Variants in SCAPER observed in about 807,000 individuals in gnomAD.
SCAPER encodes the protein S phase cyclin A-associated protein in the endoplasmic reticulum.
A neutral mutation model predicts 182.2 loss-of-function variants in SCAPER; 98 were observed. The ratio of observed to expected loss-of-function variants is 0.54; its 90% CI spans 0.46 to 0.64. SCAPER has a LOEUF of 0.64. Ranked by LOEUF, SCAPER falls within the 30% of genes least tolerant of loss-of-function variation. The pLI is 0.00. For synonymous variants in SCAPER, 605 were observed against 564.6 expected (o/e 1.07, Z -1.01); for missense variants, 1,432 against 1,690.0 (o/e 0.85, Z 2.68).
chr15:76,487,635 C>G (rs566519914), intron 24 of SCAPER, among the ~76,000 whole-genome samples: 3 of 152,134 alleles, frequency 2.0e-5, no homozygotes, highest in East Asian at 1.9e-4. Context: ...GAGGAAATAC[C>G]TGGGAACTCA....
intron 9 of SCAPER, chr15:76,774,499 A>G (rs892026915): frequency 6.4e-6 from 2 of 312,588 alleles, no homozygotes; most frequent in Non-Finnish European, 6.0e-6. Context: ...TCCAAATTTT[A>G]TAATTGTAAT....
chr15:76,516,813 T>C (rs1011703507), intron 23 of SCAPER, among the ~76,000 whole-genome samples: 8 of 152,126 alleles, frequency 5.3e-5, no homozygotes, highest in South Asian at 2.1e-4. Flanking sequence ...CAAAACAAAC[T>C]TAAGGAGGAA....
At chr15:76,705,801 A>T in intron 18 of SCAPER, 102 bp downstream of exon 18, 1 of 755,776 alleles carries the variant, frequency 1.3e-6, no homozygotes, top group Non-Finnish European at 2.1e-6. Flanking sequence ...TTGTGCAAAG[A>T]TTAAGAATAC....
chr15:76,356,008 A>C (rs1720359648), intron 29 of SCAPER, among the ~76,000 whole-genome samples: 1 of 152,264 alleles, frequency 6.6e-6, no homozygotes, highest in Non-Finnish European at 1.5e-5. Context: ...GACAGGACTT[A>C]ACCAGGCTAC....
chr15:76,849,350 C>T (rs772184551), intron 4 of SCAPER, among the ~76,000 whole-genome samples: 11 of 152,224 alleles, frequency 7.2e-5, no homozygotes, highest in East Asian at 5.8e-4. Context: ...GCCTTATCCA[C>T]GCCTTCGACA....
chr15:76,404,824 A>T, intron 26 of SCAPER, 145 bp from the exon 27 acceptor site: 1 of 628,222 alleles, frequency 1.6e-6, no homozygotes, highest in Non-Finnish European at 2.4e-6. Context: ...CTCAAGTAAC[A>T]ATTTCCTTAG....
At chr15:76,777,845 G>A (rs952584952) in intron 8 of SCAPER, among the ~76,000 whole-genome samples, 5 of 152,094 alleles carry the variant, frequency 3.3e-5, no homozygotes, top group African/African-American at 1.2e-4. Context: ...CAGTAAGTTT[G>A]AAATATCAAA....
At chr15:76,850,468 C>T (rs912867742) in intron 4 of SCAPER, among the ~76,000 whole-genome samples, 20 of 152,166 alleles carry the variant, frequency 1.3e-4, no homozygotes, top group Admixed American at 1.0e-3. Context: ...AGAACCAATG[C>T]AAGAACTCCA....
At chr15:76,679,603 A>G (rs1022722739) in intron 20 of SCAPER, among the ~76,000 whole-genome samples, 9 of 152,216 alleles carry the variant, frequency 5.9e-5, no homozygotes, top group East Asian at 1.9e-4. Flanking sequence ...TTTATTTATT[A>G]TATTGTTTAA....
At chr15:76,641,669 T>C (rs2054115407) in intron 21 of SCAPER, among the ~76,000 whole-genome samples, 1 of 152,154 alleles carries the variant, frequency 6.6e-6, no homozygotes, top group African/African-American at 2.4e-5. Context: ...ACTTGGCTAA[T>C]TGCTCACCCA....
At chr15:76,497,726 C>G (rs1237484276) in intron 24 of SCAPER, among the ~76,000 whole-genome samples, 1 of 151,912 alleles carries the variant, frequency 6.6e-6, no homozygotes, top group Non-Finnish European at 1.5e-5. Context: ...GGCACGGTGG[C>G]TCATGCCTGT....
chr15:76,544,426 A>G (rs920459880), intron 23 of SCAPER, among the ~76,000 whole-genome samples: 1 of 152,222 alleles, frequency 6.6e-6, no homozygotes, highest in Admixed American at 6.5e-5. Flanking sequence ...CAACAAAATG[A>G]AATGTCCTAT....
chr15:76,828,886 C>A (rs147051342), intron 5 of SCAPER, among the ~76,000 whole-genome samples: 1 of 152,112 alleles, frequency 6.6e-6, no homozygotes, highest in Non-Finnish European at 1.5e-5. Context: ...TCAGACAAAA[C>A]AGAATTCACA....
chr15:76,371,610 G>A (rs2042183333), intron 29 of SCAPER, among the ~76,000 whole-genome samples: 2 of 151,302 alleles, frequency 1.3e-5, no homozygotes, highest in Non-Finnish European at 2.9e-5. Context: ...GAGCCACCAT[G>A]CCTGGCTTAT....
At chr15:76,385,908 T>G (rs55944723) in intron 27 of SCAPER, among the ~76,000 whole-genome samples, 12,249 of 152,250 alleles carry the variant, frequency 0.08, 711 homozygotes, top group Non-Finnish European at 0.12. Flanking sequence ...GCTCAAACAA[T>G]AAAACATTTA....
chr15:76,699,693 C>T (rs540919782), intron 20 of SCAPER, among the ~76,000 whole-genome samples: 28 of 152,302 alleles, frequency 1.8e-4, no homozygotes, highest in Admixed American at 1.6e-3. Context: ...GCACTTGCTG[C>T]GCTGGAGTGG....
intron 21 of SCAPER, among the ~76,000 whole-genome samples, chr15:76,638,382 C>T (rs1307244683): frequency 6.6e-6 from 1 of 152,104 alleles, no homozygotes; most frequent in Non-Finnish European, 1.5e-5. Context: ...AAATTGACTA[C>T]AATATCCAGT....
intron 21 of SCAPER, among the ~76,000 whole-genome samples, chr15:76,652,102 T>A (rs986556583): frequency 3.3e-4 from 50 of 149,348 alleles, no homozygotes; most frequent in Middle Eastern, 3.4e-3. Context: ...TTCAACAGAT[T>A]AGGCATCAAA....
rs963027301 is a variant in SCAPER, at chr15:76,742,786, T to C, written c.1867-9402A>G. Among the ~76,000 whole-genome samples, 19 of 152,086 alleles carry C rather than the reference T, an allele frequency of 1.2e-4. 1 individual carries two copies. The highest frequency in any genetic ancestry group is 4.1e-4 in the African/African-American group (17 of 41,536). Reference sequence around the variant, plus strand: ...AAGCATACATGGAAAAAAAACATCTTGAGTATGTAACAGGACTAAAATGGT... The same window carrying C: ...AAGCATACATGGAAAAAAAACATCTCGAGTATGTAACAGGACTAAAATGGT... On this transcript the variant is annotated intron_variant, in intron 15 of 31. Transcript: ENST00000563290.
Sources: allele counts gnomAD v4.1 joint callset (sites outside exome capture counted in the v4.1 genomes callset), GRCh38; gene constraint gnomAD v4.1.1; transcripts MANE v1.5; gene names NCBI Gene and HGNC (gene_info 2026-07-23, HGNC 2026-07-21).